Variants in LGALS3 observed in about 807,000 individuals in gnomAD.
LGALS3 encodes the protein galectin-3.
LGALS3 carries 18 observed loss-of-function variants against 20.7 expected under a neutral mutation model. The ratio of observed to expected loss-of-function variants is 0.87; its 90% CI spans 0.60 to 1.29. LGALS3 has a LOEUF of 1.29. Ranked by LOEUF, LGALS3 falls within the 50% of genes most tolerant of loss-of-function variation. The pLI is 0.00. For synonymous variants in LGALS3, 112 were observed against 119.6 expected (o/e 0.94, Z 0.42); for missense variants, 315 against 314.7 (o/e 1.00, Z -0.01).
At chr14:55,137,577 C>T in intron 2 of LGALS3, 186 bp downstream of exon 2, 1 of 1,505,634 alleles carries the variant, frequency 6.6e-7, no homozygotes, top group Non-Finnish European at 8.8e-7. Context: ...GGAAGAAAGC[C>T]AGGCAGAGCG....
intron 1 of LGALS3, among the ~76,000 whole-genome samples, chr14:55,135,932 AG>A (rs925264622): frequency 6.6e-6 from 1 of 152,196 alleles, no homozygotes; most frequent in African/African-American, 2.4e-5. Context: ...CATTTCTAAA[AG>A]TGATTGAGTA....
At chr14:55,141,101 G>A (rs958562869) in intron 4 of LGALS3, among the ~76,000 whole-genome samples, 5 of 152,174 alleles carry the variant, frequency 3.3e-5, no homozygotes, top group African/African-American at 1.2e-4. Flanking sequence ...TCCATAAACA[G>A]TCTCAGTGTC....
intron 5 of LGALS3, among the ~76,000 whole-genome samples, chr14:55,144,583 A>T (rs1486021931): frequency 6.6e-6 from 1 of 151,492 alleles, no homozygotes; most frequent in Non-Finnish European, 1.5e-5. Context: ...TGTTTTTTTG[A>T]GACGGAGTCT....
intron 4 of LGALS3, among the ~76,000 whole-genome samples, chr14:55,141,285 A>C (rs1448577182): frequency 2.0e-5 from 3 of 152,328 alleles, no homozygotes; most frequent in East Asian, 1.9e-4. Flanking sequence ...TTCTGTAAGC[A>C]CAGAACTTCC....
intron 1 of LGALS3, among the ~76,000 whole-genome samples, chr14:55,135,288 G>A (rs994777045): frequency 1.2e-4 from 18 of 152,260 alleles, no homozygotes; most frequent in African/African-American, 4.3e-4. Context: ...CAAACGTTTT[G>A]CATGCCTGCA....
In LGALS3 at chr14:55,142,585, A is replaced by G; in HGVS notation, c.433A>G (p.Ile145Val). The G allele has an allele frequency of 5.6e-6, 9 of 1,611,800 alleles. No individual in the cohort carries two copies. Among genetic ancestry groups the G allele is most frequent in the Non-Finnish European group, 6.8e-6 (8 of 1,178,036 alleles). ...TAACTGGTCTTTGGTTTAAAACAGA[A>G]TTGCTTTAGATTTCCAAAGAGGGAA... ...LGTVKPNANRIALDFQRGNDV... is the reference protein window; with the variant it reads ...LGTVKPNANRVALDFQRGNDV... The change falls in exon 5 of 6, where the codon ATT (isoleucine) becomes GTT (valine). Residue 145 changes from isoleucine (I) to valine (V), a missense_variant and splice_region_variant. Ile to Val is a conservative substitution (Grantham distance 29). Transcript: ENST00000254301.
rs73271745 is a variant in LGALS3, at chr14:55,144,290, A to T, written c.598-826A>T. On this transcript the variant is annotated intron_variant, in intron 5 of 5. Transcript: ENST00000254301. ...CCTTAGTAGCGGAGACCACAGATGT[A>T]TGCCACCCACGTGTGGCTAATTTTT... is the stretch of plus-strand genomic sequence containing the variant. 9.4e-3 allele frequency among the ~76,000 whole-genome samples: 1,431 copies of T among 152,210 alleles called. 32 individuals carry two copies. Among genetic ancestry groups the T allele is most frequent in the African/African-American group, 0.033 (1,380 of 41,532 alleles).
chr14:55,145,050 G>A lies in LGALS3; in HGVS notation c.598-66G>A, dbSNP rs140734039. The A allele has an allele frequency of 4.7e-5, 60 of 1,275,182 alleles. No individual in the cohort carries two copies. In the East Asian group the frequency reaches 1.3e-3, roughly 28 times the overall value. The allele number at this position is 1,275,182 out of a possible 1,614,324, so 79.0% of individuals were successfully genotyped here. A position where few individuals can be genotyped will look rare whatever the true frequency, so the allele number is the denominator to read the frequency against. On this transcript the variant is annotated intron_variant, in intron 5 of 5. Transcript: ENST00000254301. ...TGCAGATGAAATATGTATATATTGT[G>A]GAATGCCTAAATCCAGCTGACATAT...
intron 5 of LGALS3, among the ~76,000 whole-genome samples, chr14:55,144,527 T>A (rs1881744498): frequency 6.6e-6 from 1 of 150,890 alleles, no homozygotes; most frequent in Admixed American, 6.6e-5. Flanking sequence ...TTTGCTGCTT[T>A]AAAAAAAAAA....
chr14:55,137,456 G>C, intron 2 of LGALS3, 65 bp downstream of exon 2: 3 of 1,614,050 alleles, frequency 1.9e-6, no homozygotes, highest in Non-Finnish European at 2.5e-6. Flanking sequence ...TGGGGGTTTT[G>C]TTTTTACCAT....
intron 3 of LGALS3, 52 bp from the exon 4 acceptor site, chr14:55,140,223 C>T (rs1881569938): frequency 1.7e-6 from 2 of 1,199,908 alleles, no homozygotes; most frequent in South Asian, 2.5e-5. Flanking sequence ...ATCGTTTTTT[C>T]CCCAAAGAAA....
rs931188487 is a variant in LGALS3, at chr14:55,145,378, G to T, written c.*107G>T. ...TTTTACATTCATCAATATCCCTCTT[G>T]TAAGTCATCTACTTAATAAATATTA... On this transcript the variant is annotated 3_prime_UTR_variant, in exon 6 of 6. Transcript: ENST00000254301. 1 of 1,548,276 alleles carries T rather than the reference G, an allele frequency of 6.5e-7. No homozygotes were observed. The highest frequency in any genetic ancestry group is 1.8e-5 in the Admixed American group (1 of 54,376).
At chr14:55,139,377 T>C (rs1049681244) in intron 3 of LGALS3, among the ~76,000 whole-genome samples, 4 of 152,174 alleles carry the variant, frequency 2.6e-5, no homozygotes, top group African/African-American at 7.2e-5. Flanking sequence ...GGGAAGACCA[T>C]TCTAGTTCAC....
rs201924703 is a variant in LGALS3 at position 55,138,184 on chromosome 14, C to A, written c.158C>A (p.Ala53Asp). ...TACCCCGGGCAGGCACCCCCAGGGGCTTATCCTGGACAGGCACCTCCAGGC... is the reference window on the plus strand; with the variant it reads ...TACCCCGGGCAGGCACCCCCAGGGGATTATCCTGGACAGGCACCTCCAGGC... ...GAYPGQAPPG[A>D]YPGQAPPGAY... is the part of the protein sequence containing the mutation. The change falls in exon 3 of 6, where the codon GCT (alanine) becomes GAT (aspartate). Residue 53 changes from alanine (A) to aspartate (D), a missense_variant. By Grantham distance (126) the Ala-to-Asp change is moderately radical. Transcript: ENST00000254301. 3.2e-3 allele frequency: 5,182 copies of A among 1,612,050 alleles called. 66 individuals are homozygous for A. The highest frequency in any genetic ancestry group is 0.029 in the South Asian group (2,647 of 90,942).
chr14:55,141,469 C>A (rs1881621077), intron 4 of LGALS3, among the ~76,000 whole-genome samples: 1 of 152,202 alleles, frequency 6.6e-6, no homozygotes, highest in Admixed American at 6.5e-5. Context: ...CCCTAACGCA[C>A]ACTGAATACC....
intron 4 of LGALS3, among the ~76,000 whole-genome samples, chr14:55,140,899 G>A (rs1206855492): frequency 1.3e-5 from 2 of 152,166 alleles, no homozygotes; most frequent in Admixed American, 6.5e-5. Context: ...TGCTAATTAT[G>A]GCTGTCCTGG....
chr14:55,138,113 G>A lies in LGALS3; in HGVS notation c.87G>A (p.Gln29=). 15 of 1,544,272 alleles carry A rather than the reference G, an allele frequency of 9.7e-6. 1 individual carries two copies. The highest frequency in any genetic ancestry group is 1.2e-5 in the Non-Finnish European group (14 of 1,149,496). Residue 29 remains glutamine (Q), a synonymous_variant, in exon 3 of 6, where the codon CAG becomes CAA. Transcript: ENST00000254301. ...PQGWPGAWGN[Q]PAGAGGYPGA... ...GATGGCCTGGCGCATGGGGGAACCA[G>A]CCTGCTGGGGCAGGGGGCTACCCAG...
chr14:55,137,648 A>C, intron 2 of LGALS3: 1 of 1,422,802 alleles, frequency 7.0e-7, no homozygotes, highest in Non-Finnish European at 9.2e-7. Flanking sequence ...AAGGGAGTGG[A>C]CTCTGCCGGC....
In LGALS3 at chr14:55,145,288, TAAAAA is replaced by T. The variant is rs747075698; in HGVS notation, c.*26_*30del. The T allele has an allele frequency of 5.8e-6, 8 of 1,382,274 alleles. 1 individual carries two copies. The South Asian group carries it at 8.5e-5, about 15-fold the overall frequency. The allele number at this position is 1,382,274 out of a possible 1,614,324, so 85.6% of individuals were successfully genotyped here. On this transcript the variant is annotated 3_prime_UTR_variant, in exon 6 of 6. Transcript: ENST00000254301. Reference sequence around the variant, plus strand: ...ATGATATAATCTGAAAGGGGCAGATTAAAAAAAAAAAAAGAATCTAAACCTTACAT... The same window carrying T: ...ATGATATAATCTGAAAGGGGCAGATTAAAAAAAAGAATCTAAACCTTACAT...
Sources: allele counts gnomAD v4.1 joint callset (sites outside exome capture counted in the v4.1 genomes callset), GRCh38; gene constraint gnomAD v4.1.1; transcripts MANE v1.5; gene names NCBI Gene and HGNC (gene_info 2026-07-23, HGNC 2026-07-21).